The following DPY19L2 variants were observed in gnomAD, a reference collection of about 807,000 sequenced individuals.
DPY19L2 encodes dpy-19 like 2.
In DPY19L2, 34 loss-of-function variants were observed where a neutral mutation model predicts 97.9. The observed-to-expected ratio is 0.35, with a 90% CI of 0.26 to 0.46. DPY19L2 has a LOEUF of 0.46. DPY19L2 is among the 20% of genes least tolerant of loss of function. The pLI is 1.00. For synonymous variants in DPY19L2, 230 were observed against 307.9 expected, an observed-to-expected ratio of 0.75 and a Z score of 2.65; for missense variants, 623 against 911.4, an observed-to-expected ratio of 0.68 and a Z score of 4.07.
chr12:63,619,118 G>A (rs1249315211), intron 9 of DPY19L2, among the ~76,000 whole-genome samples: 1 of 151,954 alleles, frequency 6.6e-6, no homozygotes, highest in Non-Finnish European at 1.5e-5. Flanking sequence ...TGATAGGATT[G>A]AAAATTCCAG....
chr12:63,626,394 T>G, intron 7 of DPY19L2, 75 bp downstream of exon 7: 1 of 1,414,164 alleles, frequency 7.1e-7, no homozygotes, highest in South Asian at 1.4e-5. Flanking sequence ...AATTAAATAT[T>G]GTTTTGATGA....
intron 6 of DPY19L2, among the ~76,000 whole-genome samples, chr12:63,635,973 T>A (rs4044650): frequency 2.6e-5 from 4 of 152,016 alleles, no homozygotes; most frequent in African/African-American, 9.7e-5. Flanking sequence ...AGACACATAA[T>A]TGTCAGATTC....
Position 63,668,430 on chromosome 12 carries a change from C to T in DPY19L2, c.-37G>A, listed in dbSNP as rs373678464. The T allele has an allele frequency of 6.0e-5, 92 of 1,537,220 alleles. No homozygotes were observed. The African/African-American group carries it at 1.2e-3, about 19-fold the overall frequency. ...ATGGTGGAGCTGGGTCAATTTCAGG[C>T]ACAGCCCAGCCGAGTCAGGCGAGGT... On this transcript the variant is annotated 5_prime_UTR_variant, in exon 1 of 22. Transcript: ENST00000324472.
chr12:63,628,508 G>C (rs180745646), intron 6 of DPY19L2, among the ~76,000 whole-genome samples: 1,978 of 152,222 alleles, frequency 0.013, 29 homozygotes, highest in Non-Finnish European at 0.018. Flanking sequence ...AGGCGGCAGC[G>C]AGGATGGGGG....
intron 6 of DPY19L2, among the ~76,000 whole-genome samples, chr12:63,632,212 C>T (rs1365402193): frequency 6.6e-6 from 1 of 152,032 alleles, no homozygotes; most frequent in South Asian, 2.1e-4. Flanking sequence ...ATGTTCTGGC[C>T]AGGGCAATCA....
chr12:63,594,209 A>G, intron 15 of DPY19L2, 76 bp from the exon 16 acceptor site: 1 of 1,104,138 alleles, frequency 9.1e-7, no homozygotes, highest in East Asian at 2.6e-5. Flanking sequence ...TCATTAATAT[A>G]AACACTCTGC....
intron 3 of DPY19L2, among the ~76,000 whole-genome samples, chr12:63,661,830 T>A (rs557329100): frequency 1.3e-5 from 2 of 152,300 alleles, no homozygotes; most frequent in South Asian, 4.1e-4. Context: ...AAGGTTGACA[T>A]CTGATTAATT....
chr12:63,652,421 G>C (rs1894379670), intron 4 of DPY19L2, among the ~76,000 whole-genome samples: 1 of 151,926 alleles, frequency 6.6e-6, no homozygotes, highest in Non-Finnish European at 1.5e-5. Context: ...CCCATTACTA[G>C]GTATATACCC....
intron 21 of DPY19L2, among the ~76,000 whole-genome samples, chr12:63,568,311 T>G (rs548986546): frequency 6.6e-6 from 1 of 152,082 alleles, no homozygotes; most frequent in Admixed American, 6.6e-5. Flanking sequence ...TTTATTATAC[T>G]TTTCAGCTCT....
chr12:63,654,483 A>C (rs139377710), intron 4 of DPY19L2, among the ~76,000 whole-genome samples: 1 of 152,304 alleles, frequency 6.6e-6, no homozygotes, highest in African/African-American at 2.4e-5. Context: ...CTAACATATT[A>C]ATAACTATAT....
chr12:63,608,837 T>C (rs1408408245), intron 11 of DPY19L2, among the ~76,000 whole-genome samples, 162 bp from the exon 12 acceptor site: 2 of 152,178 alleles, frequency 1.3e-5, no homozygotes, highest in African/African-American at 4.8e-5. Flanking sequence ...TGGACAAATT[T>C]TGGCAAATTT....
At chr12:63,589,529 C>A (rs1882511724) in intron 16 of DPY19L2, among the ~76,000 whole-genome samples, 1 of 151,892 alleles carries the variant, frequency 6.6e-6, no homozygotes, top group Non-Finnish European at 1.5e-5. Flanking sequence ...TGGGACAATA[C>A]CTCATTAGAG....
intron 6 of DPY19L2, among the ~76,000 whole-genome samples, chr12:63,637,957 C>G (rs1198531390): frequency 6.6e-6 from 1 of 152,130 alleles, no homozygotes; most frequent in Non-Finnish European, 1.5e-5. Context: ...CAAAAATCCT[C>G]AATAAAATAT....
At chr12:63,661,313 C>T (rs1555217528) in intron 4 of DPY19L2, 31 bp downstream of exon 4, 5 of 1,533,244 alleles carry the variant, frequency 3.3e-6, no homozygotes, top group East Asian at 4.8e-5. Context: ...GATCACTCTA[C>T]AAATATTATT....
intron 11 of DPY19L2, among the ~76,000 whole-genome samples, chr12:63,610,128 T>A (rs571332764): frequency 6.7e-6 from 1 of 149,374 alleles, no homozygotes. Context: ...ATCTTTAATA[T>A]AAGAAGAAGA....
At chr12:63,635,959 C>T (rs1310181951) in intron 6 of DPY19L2, among the ~76,000 whole-genome samples, 2 of 151,914 alleles carry the variant, frequency 1.3e-5, no homozygotes, top group East Asian at 3.9e-4. Context: ...GAAGAGCAAC[C>T]CCAAGACACA....
chr12:63,662,600 C>T (rs998808261), intron 3 of DPY19L2, among the ~76,000 whole-genome samples: 2 of 152,032 alleles, frequency 1.3e-5, no homozygotes, highest in Non-Finnish European at 2.9e-5. Flanking sequence ...CTAAGGTTGG[C>T]ATTATTTCTA....
chr12:63,666,567 G>GGA (rs1896365317), intron 1 of DPY19L2: 2 of 417,740 alleles, frequency 4.8e-6, no homozygotes, highest in Non-Finnish European at 9.5e-6. Context: ...CAATTCCTCT[G>GGA]GAGAGAGAAG....
At position 63,627,909 on chromosome 12, in the gene DPY19L2, G is replaced by A. The variant is rs1387602282; in HGVS notation, c.804-1383C>T. Among the ~76,000 whole-genome samples, 7 of 152,140 alleles carry A rather than the reference G, an allele frequency of 4.6e-5. No individual in the cohort carries two copies. In the East Asian group the frequency reaches 5.8e-4, roughly 13 times the overall value. ...TAATGAAGAAAGGAAGAAAACAGCA[G>A]AGGAAAGCTCATGGGAAATGATTTA... On this transcript the variant is annotated intron_variant, in intron 6 of 21. Coordinates refer to ENST00000324472, the MANE Select transcript of DPY19L2 (RefSeq NM_173812.5).
Sources: allele counts gnomAD v4.1 joint callset (sites outside exome capture counted in the v4.1 genomes callset), GRCh38; gene constraint gnomAD v4.1.1; transcripts MANE v1.5; gene names NCBI Gene and HGNC (gene_info 2026-07-23, HGNC 2026-07-21).